The following NLRP14 variants were observed in gnomAD, a reference collection of about 807,000 sequenced individuals.
NLRP14 encodes the protein NACHT, LRR and PYD domains-containing protein 14.
In NLRP14, 105 loss-of-function variants were observed where a neutral mutation model predicts 94.7. That is an observed-to-expected ratio of 1.11 (90% CI 0.95 to 1.30). The LOEUF is 1.30. Among genes scored for constraint, NLRP14 ranks in the 50% most tolerant of loss-of-function variants. The pLI is 0.00. For synonymous variants in NLRP14, 508 were observed against 459.9 expected, an observed-to-expected ratio of 1.10 and a Z score of -1.34; for missense variants, 1,362 against 1,254.1, an observed-to-expected ratio of 1.09 and a Z score of -1.30.
chr11:7,090,358 C>G, the NLRP14 span: 30 of 1,521,008 alleles, frequency 2.0e-5, no homozygotes, highest in South Asian at 2.8e-4. Flanking sequence ...AAAGAAGAAC[C>G]TGTTGTATGG....
At chr11:7,037,261 C>A (rs1166188213) in intron 1 of NLRP14, among the ~76,000 whole-genome samples, 2 of 152,000 alleles carry the variant, frequency 1.3e-5, no homozygotes. Flanking sequence ...ATATTTTTAC[C>A]ATGTAGTTAA....
In NLRP14 at chr11:7,065,918, C is replaced by T. The variant is rs149743312; in HGVS notation, c.2975+3415C>T. On this transcript the variant is annotated intron_variant, in intron 10 of 11. Coordinates refer to ENST00000299481, the MANE Select transcript of NLRP14 (RefSeq NM_176822.4). ...GTTCCCCTCTGTGTGTCCATGTGTT[C>T]TCATTGTTCAACTCCCACTTACAAG... 6.9e-3 allele frequency among the ~76,000 whole-genome samples: 1,057 copies of T among 152,142 alleles called. 8 individuals carry two copies. The highest frequency in any genetic ancestry group is 0.024 in the African/African-American group (985 of 41,492).
rs565913593 is a variant in NLRP14, at chr11:7,033,568, G to A, written c.-21-4998G>A. On this transcript the variant is annotated intron_variant, in intron 1 of 11. Coordinates refer to ENST00000299481, the MANE Select transcript of NLRP14 (RefSeq NM_176822.4). ...ATTACAGTACAGTATTGTCCTGGGT[G>A]GACATCTTCAATTTTAGTAGTTAAT... Among the ~76,000 whole-genome samples the A allele has an allele frequency of 7.2e-5, 11 of 152,182 alleles. No individual in the cohort carries two copies. In the South Asian group the frequency reaches 2.3e-3, roughly 32 times the overall value.
At position 7,057,815 on chromosome 11, in the gene NLRP14, A is replaced by G; in HGVS notation, c.2430A>G (p.Leu810=). The change falls in exon 7 of 12, where the codon TTA becomes TTG. Residue 810 remains leucine, a synonymous_variant. Transcript: ENST00000299481. ...DDGVQLLCEA[L]RHPKCYLERL... ...GAGTGCAGCTTTTGTGTGAGGCCTT[A>G]AGACATCCAAAGTGTTATCTAGAGA... 1 of 1,612,358 alleles carries G rather than the reference A, an allele frequency of 6.2e-7. No individual in the cohort carries two copies. The highest frequency in any genetic ancestry group is 8.5e-7 in the Non-Finnish European group (1 of 1,178,534).
In NLRP14 at chr11:7,043,956, T is replaced by A; in HGVS notation, c.1930T>A (p.Leu644Ile). Residue 644 changes from leucine to isoleucine, a missense_variant, in exon 4 of 12, where the codon TTA becomes ATA. Coordinates refer to ENST00000299481, the MANE Select transcript of NLRP14 (RefSeq NM_176822.4). Reference sequence around the variant, plus strand: ...AACTGTGGTATTTGAGAAGAAGATATTAAAAACAAGCCTCCCAACTAACAC... The same window carrying A: ...AACTGTGGTATTTGAGAAGAAGATAATAAAAACAAGCCTCCCAACTAACAC... The part of the protein sequence containing the change: ...SVTVVFEKKI[L>I]KTSLPTNTWD... 1 of 1,614,180 alleles carries A rather than the reference T, an allele frequency of 6.2e-7. No homozygotes were observed. The highest frequency in any genetic ancestry group is 2.2e-5 in the East Asian group (1 of 44,884).
chr11:7,064,337 A>G (rs1445923233), intron 10 of NLRP14, among the ~76,000 whole-genome samples: 2 of 152,130 alleles, frequency 1.3e-5, no homozygotes, highest in Admixed American at 6.6e-5. Context: ...TTCATAGTAT[A>G]TAGACAGGCA....
intron 5 of NLRP14, among the ~76,000 whole-genome samples, chr11:7,048,513 G>C (rs1478766264): frequency 1.3e-5 from 2 of 152,092 alleles, no homozygotes; most frequent in African/African-American, 4.8e-5. Context: ...ATGTTCTTTT[G>C]GGTGGGGGCT....
At chr11:7,044,909 C>T (rs1380197445) in intron 4 of NLRP14, among the ~76,000 whole-genome samples, 1 of 152,174 alleles carries the variant, frequency 6.6e-6, no homozygotes, top group East Asian at 1.9e-4. Flanking sequence ...GTGCTTATCA[C>T]ATAACCTGAC....
Position 7,042,775 on chromosome 11 carries a change from A to C in NLRP14, c.749A>C (p.Gln250Pro). ...GGCCCCATTGAAGAAATCATGTACC[A>C]GCCAAGTAGCCTCTTGTTTATTATT... ...TEGPIEEIMY[Q>P]PSSLLFIIDS... is the part of the protein sequence containing the mutation. The change falls in exon 4 of 12, where the codon CAG (glutamine) becomes CCG (proline). Residue 250 changes from glutamine to proline, a missense_variant. Gln to Pro is a moderately conservative substitution (Grantham distance 76). Coordinates refer to ENST00000299481, the MANE Select transcript of NLRP14 (RefSeq NM_176822.4). 3 of 1,614,234 alleles carry C rather than the reference A, an allele frequency of 1.9e-6. No individual in the cohort carries two copies. The East Asian group carries it at 6.7e-5, about 36-fold the overall frequency.
At chr11:7,037,502 C>G (rs543344527) in intron 1 of NLRP14, among the ~76,000 whole-genome samples, 2 of 152,226 alleles carry the variant, frequency 1.3e-5, no homozygotes, top group East Asian at 3.9e-4. Flanking sequence ...AAGTTGAGTT[C>G]CAGCTGCATC....
the NLRP14 span, among the ~76,000 whole-genome samples, chr11:7,081,967 C>A: frequency 1.3e-5 from 2 of 152,124 alleles, no homozygotes; most frequent in Non-Finnish European, 2.9e-5. Flanking sequence ...AGCCCCCACC[C>A]TACAGTAATC....
chr11:7,089,977 A>G, the NLRP14 span: 2 of 1,613,072 alleles, frequency 1.2e-6, no homozygotes, highest in Non-Finnish European at 1.7e-6. Flanking sequence ...TTTGAGAGCT[A>G]CGGAGAGCTG....
At position 7,043,637 on chromosome 11, in the gene NLRP14, T is replaced by C. The variant is rs1852305203; in HGVS notation, c.1611T>C (p.Asn537=). 6.2e-7 allele frequency: 1 copy of C among 1,614,160 alleles called. No homozygotes were observed. Among genetic ancestry groups the C allele is most frequent in the Non-Finnish European group, 8.5e-7 (1 of 1,180,024 alleles). Residue 537 remains asparagine, a synonymous_variant, in exon 4 of 12, where the codon AAT becomes AAC. Transcript: ENST00000299481. ...QMKCFLFGLL[N]EDRVKQLERT... is the part of the protein sequence containing the mutation. ...AGTGCTTTTTGTTTGGCCTTTTGAA[T>C]GAAGATCGAGTAAAACAACTGGAGA...
At chr11:7,090,081 G>T in the NLRP14 span, 1 of 1,611,432 alleles carries the variant, frequency 6.2e-7, no homozygotes, top group Middle Eastern at 1.7e-4. Context: ...TGCCTACAGC[G>T]GCGGCCGCGA....
rs199770411 is a variant in NLRP14, at chr11:7,071,262, G to C, written c.3236G>C (p.Cys1079Ser). 6.2e-7 allele frequency: 1 copy of C among 1,613,282 alleles called. No individual in the cohort carries two copies. Residue 1079 changes from cysteine (C) to serine (S), a missense_variant, in exon 12 of 12, where the codon TGT (cysteine) becomes TCT (serine). Coordinates refer to ENST00000299481, the MANE Select transcript of NLRP14 (RefSeq NM_176822.4). ...CCACACTTAATCATTAAGCCAGATT[G>C]TAACTATCATAATGAAGAAGATGTG... Reference protein sequence around the residue: ...SNPHLIIKPDCNYHNEEDVSW... With the variant: ...SNPHLIIKPDSNYHNEEDVSW...
intron 6 of NLRP14, among the ~76,000 whole-genome samples, chr11:7,054,493 G>A (rs1300988587): frequency 6.6e-6 from 1 of 152,032 alleles, no homozygotes; most frequent in Non-Finnish European, 1.5e-5. Context: ...TTTTGGATAG[G>A]TCATTTTTAC....
intron 10 of NLRP14, among the ~76,000 whole-genome samples, chr11:7,069,537 T>G (rs558042683): frequency 3.2e-4 from 49 of 152,374 alleles, no homozygotes; most frequent in Non-Finnish European, 6.6e-4. Context: ...TATAGGCAGC[T>G]GACCTAATGT....
intron 1 of NLRP14, among the ~76,000 whole-genome samples, chr11:7,030,163 C>T (rs1379446830): frequency 1.3e-5 from 2 of 152,224 alleles, no homozygotes; most frequent in Non-Finnish European, 2.9e-5. Flanking sequence ...AGAGGTTTCT[C>T]ATCTGAGAGG....
intron 5 of NLRP14, 55 bp downstream of exon 5, chr11:7,046,887 C>A: frequency 7.7e-7 from 1 of 1,306,384 alleles, no homozygotes; most frequent in Non-Finnish European, 1.1e-6. Context: ...TTCTGTGTCC[C>A]ATCTTCCACT....
Sources: allele counts gnomAD v4.1 joint callset (sites outside exome capture counted in the v4.1 genomes callset), GRCh38; gene constraint gnomAD v4.1.1; transcripts MANE v1.5; gene names NCBI Gene and HGNC (gene_info 2026-07-23, HGNC 2026-07-21).